DMD: variants seen among roughly 807,000 people sequenced by gnomAD.
DMD encodes the protein mutant dystrophin.
DMD carries 63 observed loss-of-function variants against 330.1 expected under a neutral mutation model. The ratio of observed to expected loss-of-function variants is 0.19; its 90% CI spans 0.16 to 0.24. The LOEUF is 0.24. Ranked by LOEUF, DMD falls within the 10% of genes least tolerant of loss-of-function variation. DMD has a pLI of 1.00. For synonymous variants in DMD, 1,223 were observed against 959.8 expected (o/e 1.27, Z -5.07); for missense variants, 3,344 against 2,684.1 (o/e 1.25, Z -5.43).
chrX:32,793,915 G>T (rs1470863378), intron 7 of DMD, among the ~76,000 whole-genome samples: 2 of 111,252 alleles, frequency 1.8e-5, no homozygotes, highest in African/African-American at 6.5e-5. Flanking sequence ...TTACCCTGAT[G>T]CCAAACCCAG....
chrX:33,241,668 C>T (rs1328432771), intron 1 of DMD, among the ~76,000 whole-genome samples: 1 of 111,963 alleles, frequency 8.9e-6, no homozygotes, highest in South Asian at 3.7e-4. Context: ...CACAGAATAC[C>T]TTTCCATTTA....
chrX:31,157,921 A>G (rs2038340903), intron 74 of DMD, among the ~76,000 whole-genome samples: 1 of 107,127 alleles, frequency 9.3e-6, no homozygotes, highest in Non-Finnish European at 1.9e-5. Context: ...CTCCAGCCCC[A>G]GCCTCTTGAG....
intron 60 of DMD, among the ~76,000 whole-genome samples, chrX:31,427,889 C>T (rs778986945): frequency 9.0e-6 from 1 of 111,506 alleles, no homozygotes; most frequent in Non-Finnish European, 1.9e-5. Flanking sequence ...TAGGAGAAGG[C>T]GTAATGAAAG....
chrX:31,326,040 T>C (rs958486712), intron 61 of DMD, among the ~76,000 whole-genome samples: 1 of 109,913 alleles, frequency 9.1e-6, no homozygotes, highest in East Asian at 2.8e-4. Context: ...AGAATCACTT[T>C]GGATTTCCTA....
intron 49 of DMD, among the ~76,000 whole-genome samples, chrX:31,834,283 T>A (rs1232127582): frequency 1.8e-5 from 2 of 111,515 alleles, no homozygotes; most frequent in Non-Finnish European, 3.8e-5. Context: ...TGTGAGGTCA[T>A]TTTTTGAGCC....
chrX:31,193,312 A>G (rs2042566218), intron 67 of DMD, among the ~76,000 whole-genome samples: 2 of 112,599 alleles, frequency 1.8e-5, no homozygotes, highest in South Asian at 7.4e-4. Flanking sequence ...TCAATTCCAT[A>G]CACTGCCATT....
intron 44 of DMD, among the ~76,000 whole-genome samples, chrX:31,970,984 G>A (rs1226902712): frequency 4.5e-5 from 5 of 111,433 alleles, no homozygotes; most frequent in Non-Finnish European, 9.4e-5. Flanking sequence ...TTTAAAAAAT[G>A]CATGGGCACA....
rs777748339 is a variant in DMD, at chrX:32,886,323, T to TA, written c.94-36504dup. Among the ~76,000 whole-genome samples the TA allele has an allele frequency of 9.1e-5, 10 of 109,991 alleles. No homozygotes were observed. The South Asian group carries it at 1.2e-3, about 13-fold the overall frequency. ...CTTCTTGGTGGGCAGTGTAAACTGG[T>TA]AAAAAATAATAATAATAATAATTTT... On this transcript the variant is annotated intron_variant, in intron 2 of 78. Transcript: ENST00000357033.
chrX:31,452,437 G>T (rs2065829741), intron 59 of DMD, among the ~76,000 whole-genome samples: 1 of 109,015 alleles, frequency 9.2e-6, no homozygotes, highest in Non-Finnish European at 1.9e-5. Context: ...AGAAAAATTA[G>T]CCGGGCATGG....
chrX:32,101,870 G>A (rs2096541427), intron 44 of DMD, among the ~76,000 whole-genome samples: 1 of 111,326 alleles, frequency 9.0e-6, no homozygotes, highest in Admixed American at 9.5e-5. Flanking sequence ...CATCATGAGG[G>A]CTCTGCCCTT....
chrX:31,918,366 T>G (rs1378647336), intron 47 of DMD, among the ~76,000 whole-genome samples: 1 of 111,322 alleles, frequency 9.0e-6, no homozygotes, highest in East Asian at 2.8e-4. Flanking sequence ...GGGTCTAGAC[T>G]GAGTTATGAA....
At chrX:32,774,172 AAG>A (rs1253735144) in intron 7 of DMD, among the ~76,000 whole-genome samples, 6 of 112,229 alleles carry the variant, frequency 5.3e-5, no homozygotes, top group African/African-American at 1.6e-4. Context: ...ATTGTAATAT[AAG>A]AGAGTTATTC....
At chrX:32,392,057 G>C (rs148200820) in intron 30 of DMD, among the ~76,000 whole-genome samples, 51 of 111,589 alleles carry the variant, frequency 4.6e-4, no homozygotes, top group African/African-American at 1.6e-3. Flanking sequence ...TGACAGAAGA[G>C]TCTGGTCAAA....
chrX:32,938,720 G>A (rs1376259013), intron 2 of DMD, among the ~76,000 whole-genome samples: 1 of 111,440 alleles, frequency 9.0e-6, no homozygotes, highest in East Asian at 2.8e-4. Context: ...TTTGCCAAAC[G>A]ACTGTATTAG....
At chrX:31,257,900 T>C (rs1165329430) in intron 63 of DMD, among the ~76,000 whole-genome samples, 1 of 111,571 alleles carries the variant, frequency 9.0e-6, no homozygotes, top group African/African-American at 3.3e-5. Context: ...TGAGCCAAGA[T>C]CGTGCCACTG....
intron 9 of DMD, among the ~76,000 whole-genome samples, chrX:32,680,067 C>A (rs990356881): frequency 1.2e-4 from 13 of 107,309 alleles, no homozygotes; most frequent in Non-Finnish European, 1.9e-4. Flanking sequence ...GCATGTGCCA[C>A]CACACCTGGC....
intron 21 of DMD, among the ~76,000 whole-genome samples, chrX:32,484,580 G>A (rs1008866693): frequency 1.5e-4 from 17 of 111,888 alleles, no homozygotes; most frequent in African/African-American, 3.9e-4. Context: ...TATATACAGC[G>A]AGCCAGACTT....
intron 1 of DMD, among the ~76,000 whole-genome samples, chrX:33,174,523 T>A (rs1264877017): frequency 9.0e-6 from 1 of 111,580 alleles, no homozygotes; most frequent in East Asian, 2.8e-4. Context: ...GGCTTATATT[T>A]GCATATATTA....
chrX:32,701,891 A>T (rs901953297), intron 7 of DMD, among the ~76,000 whole-genome samples: 7 of 112,024 alleles, frequency 6.2e-5, no homozygotes, highest in African/African-American at 9.7e-5. Flanking sequence ...AGCTGTTCAT[A>T]AATATCAGTC....
Sources: gnomAD v4.1 joint callset for allele counts (sites outside exome capture counted in the v4.1 genomes callset) on GRCh38, gnomAD v4.1.1 for gene constraint, MANE v1.5 for transcripts, NCBI Gene and HGNC (gene_info 2026-07-23, HGNC 2026-07-21) for gene names.